AAK1: variants seen among roughly 807,000 people sequenced by gnomAD.
The protein encoded by AAK1 is AP2 associated kinase 1.
Under a neutral mutation model 116.0 loss-of-function variants are expected in AAK1, and 37 were observed. That is an observed-to-expected ratio of 0.32 (90% CI 0.25 to 0.42). The LOEUF (loss-of-function observed/expected upper bound fraction) is 0.42. Ranked by LOEUF, AAK1 falls within the 10% of genes least tolerant of loss-of-function variation. The pLI, the probability that AAK1 is intolerant of heterozygous loss-of-function variation, is 1.00. For synonymous variants in AAK1, 458 were observed against 439.9 expected (o/e 1.04, Z -0.51); for missense variants, 919 against 1,170.6 (o/e 0.79, Z 3.14).
At chr2:69,513,896 C>A (rs1315134403) in intron 13 of AAK1, among the ~76,000 whole-genome samples, 1 of 152,188 alleles carries the variant, frequency 6.6e-6, no homozygotes, top group Non-Finnish European at 1.5e-5. Context: ...TAAAAGTGGA[C>A]ATGCCCAATT....
rs571711334 is a variant in AAK1 at position 69,458,252 on chromosome 2, G to A, written c.*17617C>T. 28 of 152,314 alleles carry A rather than the reference G, an allele frequency of 1.8e-4. No homozygotes were observed. Among genetic ancestry groups the A allele is most frequent in the African/African-American group, 6.5e-4 (27 of 41,554 alleles). The allele number at this position is 152,314 out of a possible 1,614,324, so 9.4% of individuals were successfully genotyped here. On this transcript the variant is annotated 3_prime_UTR_variant, in exon 22 of 22. Transcript: ENST00000409085. ...GATGACCTCAATACTCCTTCTGGCT[G>A]GAGAGACCTCCTCATTCAGTCCATT...
intron 2 of AAK1, among the ~76,000 whole-genome samples, chr2:69,584,180 A>C (rs1169292223): frequency 1.3e-5 from 2 of 151,748 alleles, no homozygotes; most frequent in Non-Finnish European, 2.9e-5. Flanking sequence ...TTCTCTCCCT[A>C]CCCCCTTTAA....
chr2:69,488,049 C>G (rs760215073), intron 17 of AAK1, among the ~76,000 whole-genome samples: 8 of 151,976 alleles, frequency 5.3e-5, no homozygotes, highest in Non-Finnish European at 7.4e-5. Context: ...GCTGGAATTA[C>G]AGGTGTGAGC....
At position 69,460,119 on chromosome 2, in the gene AAK1, C is replaced by T. The variant is rs538410318; in HGVS notation, c.*15750G>A. 1 of 152,532 alleles carries T rather than the reference C, an allele frequency of 6.6e-6. No individual in the cohort carries two copies. Among genetic ancestry groups the T allele is most frequent in the African/African-American group, 2.4e-5 (1 of 41,544 alleles). 9.4% of individuals were successfully genotyped at this position (152,532 alleles called of 1,614,324 possible). A position where few individuals can be genotyped will look rare whatever the true frequency, so the allele number is the denominator to read the frequency against. On this transcript the variant is annotated 3_prime_UTR_variant, in exon 22 of 22. Coordinates refer to ENST00000409085, the MANE Select transcript of AAK1 (RefSeq NM_014911.5). ...TCAAAATAATTTCAGTCCCACATTTCTCGGATAAAACCACATCTGTGGTTT... is the reference window on the plus strand; with the variant it reads ...TCAAAATAATTTCAGTCCCACATTTTTCGGATAAAACCACATCTGTGGTTT...
chr2:69,639,832 G>A (rs1477507613), intron 2 of AAK1, among the ~76,000 whole-genome samples: 1 of 152,010 alleles, frequency 6.6e-6, no homozygotes, highest in African/African-American at 2.4e-5. Flanking sequence ...TCAGCACTCG[G>A]GGACTCACAG....
Position 69,643,215 on chromosome 2 carries a change from C to G in AAK1, c.-175G>C. On this transcript the variant is annotated 5_prime_UTR_variant, in exon 2 of 22. Coordinates refer to ENST00000409085, the MANE Select transcript of AAK1 (RefSeq NM_014911.5). ...GAGGGAGGATGCCTATAGGAATATG[C>G]GTGTCAATCGCGCAGCGGGTCCCCT... 1 of 1,412,072 alleles carries G rather than the reference C, an allele frequency of 7.1e-7. No homozygotes were observed. Among genetic ancestry groups the G allele is most frequent in the African/African-American group, 1.5e-5 (1 of 68,364 alleles). 87.5% of individuals were successfully genotyped at this position (1,412,072 alleles called of 1,614,324 possible).
intron 2 of AAK1, among the ~76,000 whole-genome samples, chr2:69,627,397 C>T (rs910952404): frequency 6.6e-6 from 1 of 151,734 alleles, no homozygotes; most frequent in African/African-American, 2.4e-5. Flanking sequence ...ACATGCTACA[C>T]GGTGAAATAA....
At position 69,466,668 on chromosome 2, in the gene AAK1, C is replaced by T. The variant is rs1674496155; in HGVS notation, c.*9201G>A. 9.3e-7 allele frequency: 1 copy of T among 1,079,272 alleles called. No homozygotes were observed. The highest frequency in any genetic ancestry group is 4.9e-5 in the Admixed American group (1 of 20,610). 66.9% of individuals were successfully genotyped at this position (1,079,272 alleles called of 1,614,324 possible). ...GACCAAATAATAGATGTTGAAAATG[C>T]AACAGGAAAAACATAAAAATAAAAG... On this transcript the variant is annotated 3_prime_UTR_variant, in exon 22 of 22. Coordinates refer to ENST00000409085, the MANE Select transcript of AAK1 (RefSeq NM_014911.5).
intron 2 of AAK1, chr2:69,594,961 T>A: frequency 1.2e-6 from 1 of 862,368 alleles, no homozygotes; most frequent in South Asian, 1.3e-5. Flanking sequence ...TCCCTGGGCA[T>A]ACAGAGAATC....
rs760720018 is a variant in AAK1 at position 69,514,630 on chromosome 2, TTGC to T, written c.1614_1616del (p.Gln546del). The T allele has an allele frequency of 2.0e-5, 23 of 1,144,130 alleles. No individual in the cohort carries two copies. The highest frequency in any genetic ancestry group is 5.5e-5 in the South Asian group (4 of 72,808). 70.9% of individuals were successfully genotyped at this position (1,144,130 alleles called of 1,614,324 possible). A position where few individuals can be genotyped will look rare whatever the true frequency, so the allele number is the denominator to read the frequency against. The stretch of plus-strand genomic sequence containing the variant: ...CCAGCTGTTGCTGTTGCTGTTGTTG[TTGC>T]TGCTGCTGCTGCTGCTGGTAGAAAT... On this transcript the variant is annotated inframe_deletion, in exon 13 of 22. Coordinates refer to ENST00000409085, the MANE Select transcript of AAK1 (RefSeq NM_014911.5).
chr2:69,511,380 A>T lies in AAK1; in HGVS notation c.1777-1920T>A, dbSNP rs150242587. ...TCCATCCACTTAACCAACAGGCTGAATGTTACAATATAAGGTTCTAATATC... is the reference window on the plus strand; with the variant it reads ...TCCATCCACTTAACCAACAGGCTGATTGTTACAATATAAGGTTCTAATATC... On this transcript the variant is annotated intron_variant, in intron 13 of 21. Coordinates refer to ENST00000409085, the MANE Select transcript of AAK1 (RefSeq NM_014911.5). Among the ~76,000 whole-genome samples, 458 of 152,336 alleles carry T rather than the reference A, an allele frequency of 3.0e-3. 1 individual carries two copies. The highest frequency in any genetic ancestry group is 8.5e-3 in the African/African-American group (353 of 41,582).
chr2:69,611,807 T>C (rs1674094197), intron 2 of AAK1, among the ~76,000 whole-genome samples: 1 of 152,240 alleles, frequency 6.6e-6, no homozygotes, highest in Non-Finnish European at 1.5e-5. Flanking sequence ...TGGAATATTA[T>C]TTAGCCTTAA....
chr2:69,613,881 C>T (rs987779410), intron 2 of AAK1, among the ~76,000 whole-genome samples: 3 of 152,158 alleles, frequency 2.0e-5, no homozygotes, highest in Non-Finnish European at 2.9e-5. Context: ...AATGAGAACC[C>T]CTAATTTGTA....
In AAK1 at chr2:69,462,437, T is replaced by C. The variant is rs1674365291; in HGVS notation, c.*13432A>G. ...GGCTCACGCCTGTAATCCTAGCACT[T>C]TGGGAAGCCAAGGTGGGTGGATCAC... On this transcript the variant is annotated 3_prime_UTR_variant, in exon 22 of 22. Transcript: ENST00000409085. 1 of 152,026 alleles carries C rather than the reference T, an allele frequency of 6.6e-6. No individual in the cohort carries two copies. The highest frequency in any genetic ancestry group is 1.5e-5 in the Non-Finnish European group (1 of 68,026). The allele number at this position is 152,026 out of a possible 1,614,324, so 9.4% of individuals were successfully genotyped here.
chr2:69,555,304 G>T (rs1671347407), intron 3 of AAK1, among the ~76,000 whole-genome samples: 1 of 152,220 alleles, frequency 6.6e-6, no homozygotes, highest in Non-Finnish European at 1.5e-5. Context: ...TGGCCCTTGG[G>T]AGTTGGCTGG....
intron 17 of AAK1, among the ~76,000 whole-genome samples, chr2:69,495,107 A>G (rs1419612767): frequency 6.6e-6 from 1 of 152,218 alleles, no homozygotes; most frequent in Non-Finnish European, 1.5e-5. Flanking sequence ...AATGATCAGA[A>G]GCAAAACAAC....
At chr2:69,535,810 A>G (rs1389979834) in intron 5 of AAK1, among the ~76,000 whole-genome samples, 2 of 152,202 alleles carry the variant, frequency 1.3e-5, no homozygotes, top group African/African-American at 4.8e-5. Context: ...AACATGGGAA[A>G]GGACCTACTA....
chr2:69,530,158 C>T lies in AAK1; in HGVS notation c.739-18G>A, dbSNP rs545522080. On this transcript the variant is annotated intron_variant, in intron 7 of 21. Transcript: ENST00000409085. ...CCAAGAGCCTAAAAAATAAAGATAG[C>T]AGATTGCTACTAGTGGCTTATTTAT... The T allele has an allele frequency of 5.0e-6, 8 of 1,597,514 alleles. No homozygotes were observed. The Admixed American group carries it at 1.1e-4, about 21-fold the overall frequency.
intron 2 of AAK1, among the ~76,000 whole-genome samples, chr2:69,636,169 A>G (rs975961668): frequency 1.3e-5 from 2 of 152,206 alleles, no homozygotes; most frequent in Admixed American, 6.5e-5. Context: ...TAATCATCAC[A>G]AAACAAACTA....
Sources: gnomAD v4.1 joint callset for allele counts (sites outside exome capture counted in the v4.1 genomes callset) on GRCh38, gnomAD v4.1.1 for gene constraint, MANE v1.5 for transcripts, NCBI Gene and HGNC (gene_info 2026-07-23, HGNC 2026-07-21) for gene names.